The following CTSO variants were observed in gnomAD, a reference collection of about 807,000 sequenced individuals.
The protein encoded by CTSO is cathepsin O.
In CTSO, 40 loss-of-function variants were observed where a neutral mutation model predicts 42.4. That is an observed-to-expected ratio of 0.94 (90% confidence interval 0.73 to 1.23). CTSO has a LOEUF of 1.23. CTSO is among the 50% of genes most tolerant of loss of function. The pLI is 0.00. For synonymous variants in CTSO, 156 were observed against 146.2 expected, an observed-to-expected ratio of 1.07 and a Z score of -0.48; for missense variants, 441 against 396.0, an observed-to-expected ratio of 1.11 and a Z score of -0.96.
At chr4:155,952,942 G>A (rs1325847577) in intron 1 of CTSO, among the ~76,000 whole-genome samples, 2 of 152,144 alleles carry the variant, frequency 1.3e-5, no homozygotes, top group East Asian at 1.9e-4. Context: ...ATAGTGAGGC[G>A]AACACTAAAT....
chr4:155,939,379 A>T lies in CTSO; in HGVS notation c.544T>A (p.Leu182Ile). 6.2e-7 allele frequency: 1 copy of T among 1,608,080 alleles called. No homozygotes were observed. The highest frequency in any genetic ancestry group is 1.1e-5 in the South Asian group (1 of 90,282). ...GTTGAGAGACTAGTCACCTTGTTTA[A>T]CCAGTTCAAAGCATTGAGAGTAGAG... Reference protein sequence around the residue: ...GGSTLNALNWLNKMQVKLVKD... With the variant: ...GGSTLNALNWINKMQVKLVKD... The change falls in exon 4 of 8, where the codon TTA (leucine) becomes ATA (isoleucine). Residue 182 changes from leucine (L) to isoleucine (I), a missense_variant. Physicochemically the swap from Leu to Ile is conservative, Grantham distance 5. Transcript: ENST00000433477.
intron 1 of CTSO, among the ~76,000 whole-genome samples, chr4:155,952,520 C>G (rs1743693844): frequency 6.6e-6 from 1 of 152,146 alleles, no homozygotes; most frequent in Admixed American, 6.5e-5. Flanking sequence ...ACCAGGAAAA[C>G]GAACGTAAGT....
intron 5 of CTSO, among the ~76,000 whole-genome samples, chr4:155,932,281 C>T (rs1015518924): frequency 3.3e-5 from 5 of 152,090 alleles, no homozygotes; most frequent in Non-Finnish European, 5.9e-5. Context: ...GACCACATGA[C>T]GTTACCAATA....
chr4:155,932,438 C>T (rs1743252777), intron 5 of CTSO, among the ~76,000 whole-genome samples: 1 of 152,142 alleles, frequency 6.6e-6, no homozygotes, highest in South Asian at 2.1e-4. Context: ...AGGACCAGGT[C>T]TTGTGCCCAG....
intron 1 of CTSO, among the ~76,000 whole-genome samples, chr4:155,949,673 C>T (rs1457554714): frequency 6.6e-6 from 1 of 152,130 alleles, no homozygotes; most frequent in Non-Finnish European, 1.5e-5. Flanking sequence ...CTTAGGAGTG[C>T]TTTCGTTTCT....
intron 6 of CTSO, 43 bp from the exon 7 acceptor site, chr4:155,928,471 T>G: frequency 2.9e-6 from 4 of 1,380,626 alleles, no homozygotes; most frequent in Non-Finnish European, 4.1e-6. Context: ...AAAACTCAAA[T>G]TTGTTATGAA....
intron 1 of CTSO, among the ~76,000 whole-genome samples, chr4:155,946,597 A>G (rs1055058150): frequency 6.6e-6 from 1 of 152,056 alleles, no homozygotes; most frequent in Admixed American, 6.5e-5. Flanking sequence ...TTCAACCAGG[A>G]GCCAACTTCT....
At position 155,928,397 on chromosome 4, in the gene CTSO, G is replaced by C; in HGVS notation, c.870C>G (p.Ser290=). Residue 290 remains serine (S), a synonymous_variant, in exon 7 of 8, where the codon TCC becomes TCG. Coordinates refer to ENST00000433477, the MANE Select transcript of CTSO (RefSeq NM_001334.3). The part of the protein sequence containing the change: ...GSTPYWIVRN[S]WGSSWGVDGY... ...CATCTACTCCCCAAGAACTTCCCCA[G>C]GAATTCCGCACAATCCAATATGGAG... is the stretch of plus-strand genomic sequence containing the variant. 6.2e-7 allele frequency: 1 copy of C among 1,612,928 alleles called. No individual in the cohort carries two copies. Among genetic ancestry groups the C allele is most frequent in the Non-Finnish European group, 8.5e-7 (1 of 1,179,424 alleles).
Position 155,953,820 on chromosome 4 carries a change from G to A in CTSO, c.28C>T (p.Pro10Ser). 7.6e-7 allele frequency: 1 copy of A among 1,317,806 alleles called. No individual in the cohort carries two copies. The highest frequency in any genetic ancestry group is 2.2e-5 in the South Asian group (1 of 46,364). 81.6% of individuals were successfully genotyped at this position (1,317,806 alleles called of 1,614,324 possible). MDVRALPWL[P>S]WLLWLLCRGG... ...CGGCACAGCAGCCACAGCAGCCACG[G>A]CAGCCACGGCAGCGCCCGCACGTCC... Residue 10 changes from proline to serine, a missense_variant, in exon 1 of 8, where the codon CCG (proline) becomes TCG (serine). Pro to Ser is a moderately conservative substitution (Grantham distance 74). Coordinates refer to ENST00000433477, the MANE Select transcript of CTSO (RefSeq NM_001334.3).
intron 3 of CTSO, among the ~76,000 whole-genome samples, chr4:155,941,153 C>T (rs1028818147): frequency 2.6e-5 from 4 of 152,258 alleles, no homozygotes; most frequent in East Asian, 1.9e-4. Flanking sequence ...ACATTGACTG[C>T]GAAACAGCTG....
rs145418014 is a variant in CTSO, at chr4:155,942,338, T to G, written c.363A>C (p.Thr121=). Reference sequence around the variant, plus strand: ...GTACCATCTGCTGGTTTCTCACTTGTGTCACAACCTGCTTGTCCCTCCAGT... The same window carrying G: ...GTACCATCTGCTGGTTTCTCACTTGGGTCACAACCTGCTTGTCCCTCCAGT... ...RFDWRDKQVV[T]QVRNQQMCGG... The change falls in exon 3 of 8, where the codon ACA becomes ACC. Residue 121 remains threonine, a synonymous_variant. Coordinates refer to ENST00000433477, the MANE Select transcript of CTSO (RefSeq NM_001334.3). 3.2e-5 allele frequency: 50 copies of G among 1,577,578 alleles called. No homozygotes were observed. In the African/African-American group the frequency reaches 6.4e-4, roughly 20 times the overall value.
At chr4:155,939,039 TAAA>T (rs569764831) in intron 4 of CTSO, among the ~76,000 whole-genome samples, 2 of 151,634 alleles carry the variant, frequency 1.3e-5, no homozygotes, top group Admixed American at 1.3e-4. Flanking sequence ...TCTATGAAAA[TAAA>T]AAAAATATAT....
intron 7 of CTSO, among the ~76,000 whole-genome samples, chr4:155,926,397 G>A (rs1178546692): frequency 6.6e-6 from 1 of 152,040 alleles, no homozygotes; most frequent in African/African-American, 2.4e-5. Flanking sequence ...TTTCTTAGAG[G>A]CAAAATAACT....
At chr4:155,951,095 T>C (rs1018132767) in intron 1 of CTSO, among the ~76,000 whole-genome samples, 4 of 152,138 alleles carry the variant, frequency 2.6e-5, no homozygotes, top group African/African-American at 7.2e-5. Context: ...TAAATATTCC[T>C]AAATATATAA....
Position 155,926,078 on chromosome 4 carries a change from A to C in CTSO, c.932-8T>G. 6.5e-7 allele frequency: 1 copy of C among 1,540,958 alleles called. No individual in the cohort carries two copies. Among genetic ancestry groups the C allele is most frequent in the Non-Finnish European group, 8.8e-7 (1 of 1,132,870 alleles). On this transcript the variant is annotated splice_polypyrimidine_tract_variant and splice_region_variant and intron_variant, in intron 7 of 7. Coordinates refer to ENST00000433477, the MANE Select transcript of CTSO (RefSeq NM_001334.3). ...AAACGGAATCTGCAATACCTAAGGG[A>C]AAAAAAAGGAATTATTAGTCTATTT...
chr4:155,944,201 G>A (rs1579347217), intron 1 of CTSO, among the ~76,000 whole-genome samples: 2 of 152,128 alleles, frequency 1.3e-5, no homozygotes, highest in South Asian at 4.1e-4. Flanking sequence ...ATAGATAAGT[G>A]ACATTTTCCA....
intron 3 of CTSO, among the ~76,000 whole-genome samples, chr4:155,940,078 A>T (rs1033201479): frequency 6.6e-6 from 1 of 152,204 alleles, no homozygotes; most frequent in African/African-American, 2.4e-5. Flanking sequence ...TTTAGGCTAT[A>T]AAGATGCCCG....
At chr4:155,930,652 T>A (rs541609914) in intron 5 of CTSO, among the ~76,000 whole-genome samples, 2 of 152,304 alleles carry the variant, frequency 1.3e-5, no homozygotes, top group African/African-American at 2.4e-5. Context: ...TTAGTGGTAA[T>A]AATCCACTAA....
intron 1 of CTSO, among the ~76,000 whole-genome samples, chr4:155,951,465 A>C (rs1743672572): frequency 6.6e-6 from 1 of 152,220 alleles, no homozygotes; most frequent in Non-Finnish European, 1.5e-5. Context: ...GAGGCATCCC[A>C]TAATAAACCA....
Sources: gnomAD v4.1 joint callset for allele counts (sites outside exome capture counted in the v4.1 genomes callset) on GRCh38, gnomAD v4.1.1 for gene constraint, MANE v1.5 for transcripts, NCBI Gene and HGNC (gene_info 2026-07-23, HGNC 2026-07-21) for gene names.